Variants in KPNB1 observed in about 807,000 individuals in gnomAD.
KPNB1 encodes importin subunit beta-1.
KPNB1 carries 7 observed loss-of-function variants against 113.0 expected under a neutral mutation model. The observed-to-expected ratio is 0.06, with a 90% CI of 0.04 to 0.12. KPNB1 has a LOEUF of 0.12. Ranked by LOEUF, KPNB1 falls within the 10% of genes least tolerant of loss-of-function variation. KPNB1 has a pLI of 1.00. For missense variants in KPNB1, 400 were observed against 1,054.8 expected, an observed-to-expected ratio of 0.38 and a Z score of 8.60; for synonymous variants, 363 against 378.6, an observed-to-expected ratio of 0.96 and a Z score of 0.48.
At chr17:47,658,803 C>T (rs967982595) in intron 5 of KPNB1, 143 bp downstream of exon 5, 16 of 672,860 alleles carry the variant, frequency 2.4e-5, no homozygotes, top group Non-Finnish European at 2.7e-5. Context: ...TAGTCGAGTT[C>T]GTATTGTGTG....
At chr17:47,681,310 C>T (rs181632993) in intron 21 of KPNB1, among the ~76,000 whole-genome samples, 1 of 150,570 alleles carries the variant, frequency 6.6e-6, no homozygotes, top group East Asian at 1.9e-4. Flanking sequence ...GCTCTGTCGC[C>T]CAGGCTGGAG....
intron 19 of KPNB1, among the ~76,000 whole-genome samples, chr17:47,679,303 A>G (rs2030703231): frequency 1.3e-5 from 2 of 152,162 alleles, no homozygotes; most frequent in South Asian, 4.1e-4. Context: ...AAGAAACCCA[A>G]CATAAATGCT....
At chr17:47,676,807 C>CTTTT (rs10649330) in intron 16 of KPNB1, among the ~76,000 whole-genome samples, 18 of 116,216 alleles carry the variant, frequency 1.5e-4, no homozygotes, top group Admixed American at 2.7e-4. Context: ...GAGAGCAAGG[C>CTTTT]TTTTTTTTTT....
chr17:47,650,318 G>A, intron 1 of KPNB1, 34 bp downstream of exon 1: 1 of 1,608,490 alleles, frequency 6.2e-7, no homozygotes, highest in Non-Finnish European at 8.5e-7. Flanking sequence ...GGGCTGAGGT[G>A]ATTGGGGTGG....
intron 21 of KPNB1, among the ~76,000 whole-genome samples, chr17:47,681,220 C>T (rs2030764384): frequency 6.6e-6 from 1 of 151,432 alleles, no homozygotes; most frequent in Admixed American, 6.6e-5. Context: ...CAGTCACATG[C>T]CACCACACCC....
Position 47,674,796 on chromosome 17 carries a change from A to G in KPNB1, c.1912+14A>G, listed in dbSNP as rs2143161809. On this transcript the variant is annotated intron_variant, in intron 15 of 21. Coordinates refer to ENST00000290158, the MANE Select transcript of KPNB1 (RefSeq NM_002265.6). ...CACTGGTGGAAGGTCGGTGAGAAAT[A>G]CTGTCTGGTCAGGGAATGTCTTTGG... The G allele has an allele frequency of 6.2e-7, 1 of 1,603,518 alleles. No individual in the cohort carries two copies. Among genetic ancestry groups the G allele is most frequent in the Non-Finnish European group, 8.5e-7 (1 of 1,175,744 alleles).
intron 3 of KPNB1, among the ~76,000 whole-genome samples, chr17:47,653,099 C>T (rs1413723658): frequency 6.6e-6 from 1 of 152,104 alleles, no homozygotes; most frequent in African/African-American, 2.4e-5. Flanking sequence ...AGGTAGGCTG[C>T]AGCAGTTTGG....
intron 4 of KPNB1, 68 bp from the exon 5 acceptor site, chr17:47,658,440 C>A: frequency 6.6e-7 from 1 of 1,514,170 alleles, no homozygotes; most frequent in Non-Finnish European, 8.9e-7. Context: ...TGTTTGAATC[C>A]ACAGATGTGG....
chr17:47,682,656 A>T lies in KPNB1; in HGVS notation c.*252A>T. 1.8e-6 allele frequency: 1 copy of T among 543,806 alleles called. No homozygotes were observed. The highest frequency in any genetic ancestry group is 3.2e-6 in the Non-Finnish European group (1 of 307,846). 33.7% of individuals were successfully genotyped at this position (543,806 alleles called of 1,614,324 possible). On this transcript the variant is annotated 3_prime_UTR_variant, in exon 22 of 22. Coordinates refer to ENST00000290158, the MANE Select transcript of KPNB1 (RefSeq NM_002265.6). ...CATAACATCGGCCATCTTGGAAAAG[A>T]GAAAAACAATGGAGTTACTTATTTA...
At position 47,682,865 on chromosome 17, in the gene KPNB1, A is replaced by C. The variant is rs183449696; in HGVS notation, c.*461A>C. On this transcript the variant is annotated 3_prime_UTR_variant, in exon 22 of 22. Coordinates refer to ENST00000290158, the MANE Select transcript of KPNB1 (RefSeq NM_002265.6). ...AGGAGAAAGATGGAGCCTGGGTCTC[A>C]AGCCCACCTTCGCTGTACCTTTGCC... 1.1e-4 allele frequency: 20 copies of C among 186,910 alleles called. No homozygotes were observed. Among genetic ancestry groups the C allele is most frequent in the African/African-American group, 4.5e-4 (19 of 42,028 alleles). 11.6% of individuals were successfully genotyped at this position (186,910 alleles called of 1,614,324 possible).
Position 47,658,670 on chromosome 17 carries a change from T to TGGC in KPNB1, c.636+10_636+11insGGC. 6.2e-7 allele frequency: 1 copy of TGGC among 1,610,982 alleles called. No individual in the cohort carries two copies. The highest frequency in any genetic ancestry group is 8.5e-7 in the Non-Finnish European group (1 of 1,178,604). On this transcript the variant is annotated intron_variant, in intron 5 of 21. Coordinates refer to ENST00000290158, the MANE Select transcript of KPNB1 (RefSeq NM_002265.6). ...AAACTTTGATAAAGAGGTAAGTTTT[T>TGGC]TGACAATAAGGTATAGATTCAGACA...
chr17:47,682,281 A>G (rs2030808248), intron 21 of KPNB1, 123 bp from the exon 22 acceptor site: 5 of 736,604 alleles, frequency 6.8e-6, no homozygotes, highest in East Asian at 2.4e-5. Context: ...AAGAGTGTCA[A>G]TCCTTGAAAT....
In KPNB1 at chr17:47,672,901, C is replaced by T. The variant is rs899035580; in HGVS notation, c.1548-117C>T. 4.5e-6 allele frequency: 4 copies of T among 879,964 alleles called. No homozygotes were observed. The African/African-American group carries it at 6.9e-5, about 15-fold the overall frequency. 54.5% of individuals were successfully genotyped at this position (879,964 alleles called of 1,614,324 possible). A position where few individuals can be genotyped will look rare whatever the true frequency, so the allele number is the denominator to read the frequency against. ...TTCTTGGATATTGTGTTTTCAAACTCAAACCAGGTCTGCAGACATACCGGT... is the reference window on the plus strand; with the variant it reads ...TTCTTGGATATTGTGTTTTCAAACTTAAACCAGGTCTGCAGACATACCGGT... On this transcript the variant is annotated intron_variant, in intron 12 of 21. Transcript: ENST00000290158.
chr17:47,667,561 TG>T lies in KPNB1; in HGVS notation c.1000-624del, dbSNP rs752177791. Among the ~76,000 whole-genome samples, 143 of 151,548 alleles carry T rather than the reference TG, an allele frequency of 9.4e-4. 1 individual carries two copies. The highest frequency in any genetic ancestry group is 3.4e-3 in the Middle Eastern group (1 of 294). On this transcript the variant is annotated intron_variant, in intron 9 of 21. Coordinates refer to ENST00000290158, the MANE Select transcript of KPNB1 (RefSeq NM_002265.6). ...TTATTTATTATTATTTTTAATACTA[TG>T]TTTTTTTTTTTTTCTGACAGAGTCT...
intron 8 of KPNB1, among the ~76,000 whole-genome samples, chr17:47,664,505 T>C (rs888545135): frequency 1.3e-5 from 2 of 152,158 alleles, no homozygotes; most frequent in Non-Finnish European, 2.9e-5. Context: ...GTATTATCAC[T>C]GTGAACACAA....
At position 47,664,398 on chromosome 17, in the gene KPNB1, T is replaced by C. The variant is rs1167233538; in HGVS notation, c.897+129T>C. The C allele has an allele frequency of 4.7e-6, 3 of 636,362 alleles. No homozygotes were observed. The African/African-American group carries it at 5.6e-5, about 12-fold the overall frequency. The allele number at this position is 636,362 out of a possible 1,614,324, so 39.4% of individuals were successfully genotyped here. A position where few individuals can be genotyped will look rare whatever the true frequency, so the allele number is the denominator to read the frequency against. ...GTATCTCCATTGGCAGAGATTTTGA[T>C]TTTTCTGCTAGCCAGAGCCCTTCAT... On this transcript the variant is annotated intron_variant, in intron 8 of 21. Coordinates refer to ENST00000290158, the MANE Select transcript of KPNB1 (RefSeq NM_002265.6).
chr17:47,680,197 A>C, intron 20 of KPNB1, 63 bp downstream of exon 20: 1 of 1,187,926 alleles, frequency 8.4e-7, no homozygotes, highest in Non-Finnish European at 1.3e-6. Flanking sequence ...GAAAACATGG[A>C]GTAAGGAGTT....
At chr17:47,666,325 T>C (rs2030267547) in intron 9 of KPNB1, among the ~76,000 whole-genome samples, 1 of 151,670 alleles carries the variant, frequency 6.6e-6, no homozygotes, top group South Asian at 2.1e-4. Flanking sequence ...AGTGCTGGGA[T>C]TATAGGCGTG....
At chr17:47,662,254 T>C (rs2030124355) in intron 6 of KPNB1, 1 of 151,560 alleles carries the variant, frequency 6.6e-6, no homozygotes, top group Admixed American at 6.6e-5. Flanking sequence ...TGAGCTGAGA[T>C]CACACCACTG....
Sources: allele counts gnomAD v4.1 joint callset (sites outside exome capture counted in the v4.1 genomes callset), GRCh38; gene constraint gnomAD v4.1.1; transcripts MANE v1.5; gene names NCBI Gene and HGNC (gene_info 2026-07-23, HGNC 2026-07-21).